ACOT7: variants seen among roughly 807,000 people sequenced by gnomAD.
The protein encoded by ACOT7 is acyl-CoA thioesterase 7.
In ACOT7, 12 loss-of-function variants were observed where a neutral mutation model predicts 40.2. The ratio of observed to expected loss-of-function variants is 0.30; its 90% CI spans 0.19 to 0.48. The LOEUF (loss-of-function observed/expected upper bound fraction) is 0.48, where lower values mean the gene tolerates loss of function less well. Ranked by LOEUF, ACOT7 falls within the 20% of genes least tolerant of loss-of-function variation. The pLI, the probability that ACOT7 is intolerant of heterozygous loss-of-function variation, is 0.99. For synonymous variants in ACOT7, 228 were observed against 219.5 expected (o/e 1.04, Z -0.34); for missense variants, 395 against 530.8 (o/e 0.74, Z 2.51).
rs1164237227 is a variant in ACOT7, at chr1:6,359,875, T to A, written c.144-10009A>T. The stretch of plus-strand genomic sequence containing the variant: ...CTCTGGGCAAGTTTCACATGTTTAG[T>A]TGTGAAAGAGAAAGTTAGGGCAGAG... On this transcript the variant is annotated intron_variant, in intron 1 of 8. Transcript: ENST00000361521. This position sits in a 1 kb window ranked among gnomAD's most constrained non-coding sequence, Gnocchi z 4.1. 6.6e-6 allele frequency among the ~76,000 whole-genome samples: 1 copy of A among 152,124 alleles called. No individual in the cohort carries two copies. The highest frequency in any genetic ancestry group is 1.9e-4 in the East Asian group (1 of 5,170).
chr1:6,334,983 C>T (rs1295771108), intron 3 of ACOT7, among the ~76,000 whole-genome samples: 2 of 151,302 alleles, frequency 1.3e-5, no homozygotes, highest in Non-Finnish European at 1.5e-5. Flanking sequence ...CTCAGGAGTT[C>T]CAGACCAGCC....
At chr1:6,270,929 G>A (rs1438490806) in intron 8 of ACOT7, among the ~76,000 whole-genome samples, 1 of 152,182 alleles carries the variant, frequency 6.6e-6, no homozygotes, top group African/African-American at 2.4e-5. Context: ...CACACATGGG[G>A]ACGCAGGGGT....
chr1:6,306,975 C>A lies in ACOT7; in HGVS notation c.712+11517G>T. On this transcript the variant is annotated intron_variant, in intron 6 of 8. Coordinates refer to ENST00000361521, the MANE Select transcript of ACOT7 (RefSeq NM_007274.4). The surrounding 1 kb of genome is among the most constrained non-coding windows in gnomAD (Gnocchi z 4.3). ...TGGAGGCCTCACTTGCGTCCCCTCC[C>A]ATGTTTTCTCTGCCTTCCCTTTCCT... 8.1e-7 allele frequency: 1 copy of A among 1,230,050 alleles called. No homozygotes were observed. Among genetic ancestry groups the A allele is most frequent in the Non-Finnish European group, 1.1e-6 (1 of 936,310 alleles). The allele number at this position is 1,230,050 out of a possible 1,614,324, so 76.2% of individuals were successfully genotyped here.
rs1176139868 is a variant in ACOT7 at position 6,274,967 on chromosome 1, C to T, written c.1014+6135G>A. On this transcript the variant is annotated intron_variant, in intron 8 of 8. Transcript: ENST00000361521. The surrounding 1 kb of genome is among the most constrained non-coding windows in gnomAD (Gnocchi z 5.9). ...CAGTGGCATCGATGACAGCAGTGAG[C>T]GGCCCCCTTTCCCAGTCAGTGAAGT... Among the ~76,000 whole-genome samples the T allele has an allele frequency of 2.0e-5, 3 of 152,202 alleles. No homozygotes were observed. The highest frequency in any genetic ancestry group is 1.3e-4 in the Admixed American group (2 of 15,284).
rs140080467 is a variant in ACOT7, at chr1:6,290,989, T to C, written c.829+3875A>G. ...CTGACGTCAATTTCACTGCTGGCTC[T>C]CACAAGGGCAGGTCCCACATCCACA... On this transcript the variant is annotated intron_variant, in intron 7 of 8. Transcript: ENST00000361521. Among the ~76,000 whole-genome samples, 10 of 152,318 alleles carry C rather than the reference T, an allele frequency of 6.6e-5. No homozygotes were observed. The East Asian group carries it at 1.7e-3, about 26-fold the overall frequency.
chr1:6,347,117 C>CG (rs1641447744), intron 2 of ACOT7, among the ~76,000 whole-genome samples: 1 of 149,846 alleles, frequency 6.7e-6, no homozygotes, highest in Non-Finnish European at 1.5e-5. Flanking sequence ...AGTGTGGATG[C>CG]GGGGGTCCCC....
intron 6 of ACOT7, among the ~76,000 whole-genome samples, chr1:6,314,849 G>A (rs1357832081): frequency 6.9e-6 from 1 of 144,830 alleles, no homozygotes; most frequent in Non-Finnish European, 1.5e-5. Context: ...CAGAGACCCC[G>A]CCAACCCTCC....
At chr1:6,269,425 C>G (rs998771357) in intron 8 of ACOT7, among the ~76,000 whole-genome samples, 1 of 152,224 alleles carries the variant, frequency 6.6e-6, no homozygotes, top group African/African-American at 2.4e-5. Flanking sequence ...CTGCCCTCAG[C>G]CATATTATCC....
At chr1:6,298,902 G>A (rs985937037) in intron 6 of ACOT7, among the ~76,000 whole-genome samples, 2 of 152,254 alleles carry the variant, frequency 1.3e-5, no homozygotes, top group Admixed American at 6.5e-5. Context: ...CTTCCTTGGA[G>A]GGGGCAGCCT....
At chr1:6,295,297 TG>T (rs1639781787) in intron 6 of ACOT7, 1 of 228,470 alleles carries the variant, frequency 4.4e-6, no homozygotes, top group Admixed American at 5.2e-5. Flanking sequence ...GCTGCAATCC[TG>T]AAGTCACAGA....
intron 1 of ACOT7, among the ~76,000 whole-genome samples, chr1:6,371,261 T>C (rs1452432642): frequency 1.1e-4 from 16 of 152,134 alleles, no homozygotes; most frequent in Admixed American, 9.8e-4. Context: ...AAATTTAGCA[T>C]AATTCATAAG....
At chr1:6,323,655 T>C (rs1640708481) in intron 5 of ACOT7, among the ~76,000 whole-genome samples, 2 of 140,898 alleles carry the variant, frequency 1.4e-5, no homozygotes, top group African/African-American at 5.3e-5. Flanking sequence ...GAGGTGGAGG[T>C]TGCAGTGAGC....
intron 1 of ACOT7, chr1:6,385,884 A>G: frequency 7.5e-7 from 1 of 1,334,658 alleles, no homozygotes; most frequent in Non-Finnish European, 9.9e-7. Flanking sequence ...TGTTCTCTAC[A>G]AAAGACCAGT....
At chr1:6,309,488 G>T (rs1370274586) in intron 6 of ACOT7, among the ~76,000 whole-genome samples, 1 of 152,018 alleles carries the variant, frequency 6.6e-6, no homozygotes, top group African/African-American at 2.4e-5. Flanking sequence ...CCAACACTTA[G>T]GTATTTTTTA....
intron 1 of ACOT7, among the ~76,000 whole-genome samples, chr1:6,381,252 G>T (rs916237331): frequency 6.6e-6 from 1 of 151,530 alleles, no homozygotes; most frequent in Non-Finnish European, 1.5e-5. Context: ...TATATAACAT[G>T]CACATAATAT....
intron 1 of ACOT7, among the ~76,000 whole-genome samples, chr1:6,351,256 C>G (rs962727908): frequency 2.2e-4 from 34 of 152,240 alleles, no homozygotes; most frequent in African/African-American, 8.2e-4. Context: ...GCTCTGAGGT[C>G]AGGCAGGGCC....
chr1:6,328,993 T>C (rs987172653), intron 4 of ACOT7, among the ~76,000 whole-genome samples: 1 of 151,880 alleles, frequency 6.6e-6, no homozygotes, highest in Admixed American at 6.5e-5. Context: ...CCTCCACTTC[T>C]GCTCTCACAT....
At chr1:6,283,548 T>A (rs1253025984) in intron 7 of ACOT7, among the ~76,000 whole-genome samples, 1 of 152,268 alleles carries the variant, frequency 6.6e-6, no homozygotes. Flanking sequence ...GCTCATGGCT[T>A]AATTGCTGTG....
Position 6,393,266 on chromosome 1 carries a change from TG to T in ACOT7, c.133del (p.Gln45ArgfsTer23). 2 of 1,283,688 alleles carry T rather than the reference TG, an allele frequency of 1.6e-6. No homozygotes were observed. The highest frequency in any genetic ancestry group is 2.0e-6 in the Non-Finnish European group (2 of 1,014,686). The allele number at this position is 1,283,688 out of a possible 1,614,324, so 79.5% of individuals were successfully genotyped here. A position where few individuals can be genotyped will look rare whatever the true frequency, so the allele number is the denominator to read the frequency against. On this transcript the variant is annotated frameshift_variant, in exon 1 of 9. Transcript: ENST00000361521. LOFTEE classifies it high-confidence loss of function. The stretch of plus-strand genomic sequence containing the variant: ...GCGGGCCCTCTCTTACCGGCAGATC[TG>T]GATGGCGGACGGCGTCTCGACGTCT... ...GPDVETPSAI[Q>X]ICRIMRPDDA...
Sources: allele counts gnomAD v4.1 joint callset (sites outside exome capture counted in the v4.1 genomes callset), GRCh38; gene constraint gnomAD v4.1.1; non-coding constraint Gnocchi (gnomAD v3.1); transcripts MANE v1.5; gene names NCBI Gene and HGNC (gene_info 2026-07-23, HGNC 2026-07-21).